Variants in EXOC4 observed in about 807,000 individuals in gnomAD.
EXOC4 encodes the protein SEC8-like 1.
In EXOC4, 71 loss-of-function variants were observed where a neutral mutation model predicts 107.2. That is an observed-to-expected ratio of 0.66 (90% CI 0.55 to 0.81). The LOEUF (loss-of-function observed/expected upper bound fraction) is 0.81, where lower values mean the gene tolerates loss of function less well. EXOC4 is among the 30% of genes least tolerant of loss of function. The pLI is 0.00. For missense variants in EXOC4, 1,108 were observed against 1,189.6 expected (o/e 0.93, Z 1.01); for synonymous variants, 456 against 441.2 (o/e 1.03, Z -0.42).
intron 9 of EXOC4, chr7:133,480,367 C>A: frequency 7.4e-7 from 1 of 1,345,152 alleles, no homozygotes; most frequent in South Asian, 1.6e-5. Flanking sequence ...GAATTCAAAG[C>A]AAAAAGAGAT....
intron 7 of EXOC4, among the ~76,000 whole-genome samples, chr7:133,393,669 G>T (rs1054189947): frequency 4.6e-5 from 7 of 152,152 alleles, no homozygotes; most frequent in African/African-American, 9.7e-5. Flanking sequence ...GTTCTGCCAC[G>T]TGGGGTTACA....
intron 6 of EXOC4, among the ~76,000 whole-genome samples, chr7:133,370,396 G>A (rs1280323793): frequency 6.6e-6 from 1 of 152,018 alleles, no homozygotes; most frequent in Admixed American, 6.6e-5. Context: ...CGGAAAGGTG[G>A]GGCAAGTCAA....
intron 14 of EXOC4, among the ~76,000 whole-genome samples, chr7:133,966,654 C>T (rs1801077579): frequency 6.6e-6 from 1 of 152,198 alleles, no homozygotes; most frequent in Non-Finnish European, 1.5e-5. Context: ...TTGAACCAGC[C>T]TTGCATCCCA....
downstream of EXOC4, among the ~76,000 whole-genome samples, chr7:134,070,382 G>A (rs1294409906): frequency 1.3e-5 from 2 of 152,208 alleles, no homozygotes; most frequent in African/African-American, 4.8e-5. Flanking sequence ...TTGAAGAGGT[G>A]TAGTAAGATG....
intron 11 of EXOC4, among the ~76,000 whole-genome samples, chr7:133,823,882 A>ATATATATATAAAT (rs1797619207): frequency 9.6e-5 from 2 of 20,922 alleles, no homozygotes; most frequent in African/African-American, 1.4e-3. Flanking sequence ...TTATATATAT[A>ATATATATATAAAT]TATATATATA....
chr7:133,261,942 G>A (rs1795162595), intron 1 of EXOC4, among the ~76,000 whole-genome samples: 1 of 152,130 alleles, frequency 6.6e-6, no homozygotes, highest in South Asian at 2.1e-4. Flanking sequence ...ATACCCAGCT[G>A]ATGACCCTCT....
At chr7:133,928,071 A>C (rs970622468) in intron 13 of EXOC4, among the ~76,000 whole-genome samples, 1 of 152,304 alleles carries the variant, frequency 6.6e-6, no homozygotes, top group African/African-American at 2.4e-5. Context: ...TTAAAGTGTC[A>C]CTAATTTGTT....
chr7:134,004,983 G>C lies in EXOC4; in HGVS notation c.2420G>C (p.Ser807Thr), dbSNP rs1420273531. 1 of 1,613,576 alleles carries C rather than the reference G, an allele frequency of 6.2e-7. No homozygotes were observed. Among genetic ancestry groups the C allele is most frequent in the South Asian group, 1.1e-5 (1 of 91,060 alleles). Residue 807 changes from serine to threonine, a missense_variant, in exon 16 of 18, where the codon AGT becomes ACT. Coordinates refer to ENST00000253861, the MANE Select transcript of EXOC4 (RefSeq NM_021807.4). ...GNYAIVANVE[S>T]MDYDPLVVKL... ...TATGCCATTGTGGCTAATGTGGAAA[G>C]TATGGATTATGACCCCCTGGTGGTC...
chr7:133,701,511 A>G (rs908674372), intron 10 of EXOC4, among the ~76,000 whole-genome samples: 1 of 152,192 alleles, frequency 6.6e-6, no homozygotes. Context: ...CAGGGCCTCC[A>G]ATGGATACCT....
chr7:133,901,427 T>A (rs1799449298), intron 12 of EXOC4, among the ~76,000 whole-genome samples: 1 of 152,164 alleles, frequency 6.6e-6, no homozygotes, highest in African/African-American at 2.4e-5. Flanking sequence ...AGTTCATATG[T>A]TTTTCTAACT....
intron 9 of EXOC4, among the ~76,000 whole-genome samples, chr7:133,565,454 T>A (rs1048318587): frequency 2.0e-5 from 3 of 152,212 alleles, no homozygotes; most frequent in African/African-American, 7.2e-5. Context: ...GGTTTTTACC[T>A]GAGGCCCCAG....
intron 10 of EXOC4, among the ~76,000 whole-genome samples, chr7:133,720,630 A>G (rs1275501056): frequency 6.6e-6 from 1 of 152,192 alleles, no homozygotes; most frequent in Non-Finnish European, 1.5e-5. Context: ...GTTTTCTGTT[A>G]AAATACCAAA....
chr7:133,630,200 T>C, intron 10 of EXOC4, 59 bp downstream of exon 10: 1 of 1,315,788 alleles, frequency 7.6e-7, no homozygotes, highest in Non-Finnish European at 1.1e-6. Context: ...TTTATGCTGG[T>C]CTACTGAATG....
In EXOC4 at chr7:133,306,025, G is replaced by A. The variant is rs772062658; in HGVS notation, c.620G>A (p.Arg207Gln). 5.6e-6 allele frequency: 9 copies of A among 1,613,334 alleles called. No homozygotes were observed. Among genetic ancestry groups the A allele is most frequent in the Middle Eastern group, 1.6e-4 (1 of 6,080 alleles). ...HRHLYIKSTSRVVQRNKEKGK... is the reference protein window; with the variant it reads ...HRHLYIKSTSQVVQRNKEKGK... ...CACCTGTACATCAAATCGACTAGCC[G>A]AGTTGTGCAGCGTAACAAGGAAAAA... The change falls in exon 4 of 18, where the codon CGA (arginine) becomes CAA (glutamine). Residue 207 changes from arginine (R) to glutamine (Q), a missense_variant. Coordinates refer to ENST00000253861, the MANE Select transcript of EXOC4 (RefSeq NM_021807.4).
chr7:133,846,676 C>T (rs1798134163), intron 11 of EXOC4, among the ~76,000 whole-genome samples: 1 of 152,218 alleles, frequency 6.6e-6, no homozygotes. Flanking sequence ...AGCTATGCGG[C>T]TCTGCCTTTG....
At chr7:133,959,331 C>T (rs914330297) in intron 14 of EXOC4, among the ~76,000 whole-genome samples, 1 of 151,500 alleles carries the variant, frequency 6.6e-6, no homozygotes, top group Non-Finnish European at 1.5e-5. Flanking sequence ...ATTCATGAAA[C>T]AAGAGTAGTA....
At chr7:133,304,150 A>T (rs1015270933) in intron 3 of EXOC4, among the ~76,000 whole-genome samples, 7 of 152,202 alleles carry the variant, frequency 4.6e-5, no homozygotes, top group African/African-American at 1.7e-4. Context: ...TTAAGGGATA[A>T]GGCTACGTGA....
chr7:133,410,991 T>C (rs1797342853), intron 7 of EXOC4, among the ~76,000 whole-genome samples: 1 of 152,156 alleles, frequency 6.6e-6, no homozygotes, highest in African/African-American at 2.4e-5. Context: ...ATTTAAATTG[T>C]GTTAAGTCAA....
At chr7:133,954,859 A>G (rs1800777617) in intron 14 of EXOC4, among the ~76,000 whole-genome samples, 1 of 152,258 alleles carries the variant, frequency 6.6e-6, no homozygotes, top group African/African-American at 2.4e-5. Flanking sequence ...GGACAACTCC[A>G]GGGACCAGCA....
Sources: allele counts gnomAD v4.1 joint callset (sites outside exome capture counted in the v4.1 genomes callset), GRCh38; gene constraint gnomAD v4.1.1; transcripts MANE v1.5; gene names NCBI Gene and HGNC (gene_info 2026-07-23, HGNC 2026-07-21).